The following MEMO1 variants were observed in gnomAD, a reference collection of about 807,000 sequenced individuals.
MEMO1 encodes protein MEMO1.
A neutral mutation model predicts 45.2 loss-of-function variants in MEMO1; 6 were observed. The observed-to-expected ratio is 0.13, with a 90% CI of 0.07 to 0.26. The LOEUF (loss-of-function observed/expected upper bound fraction) is 0.26. Ranked by LOEUF, MEMO1 falls within the 10% of genes least tolerant of loss-of-function variation. The probability of loss-of-function intolerance (pLI) is 1.00; values close to 1 mark genes in which losing one functional copy is unlikely to be tolerated. For missense variants in MEMO1, 184 were observed against 370.5 expected (o/e 0.50, Z 4.13); for synonymous variants, 78 against 124.3 (o/e 0.63, Z 2.48).
intron 6 of MEMO1, among the ~76,000 whole-genome samples, chr2:31,899,180 A>G (rs1375781673): frequency 6.6e-6 from 1 of 152,162 alleles, no homozygotes; most frequent in African/African-American, 2.4e-5. Context: ...ATTAGAAAAA[A>G]CTACTTTAAA....
chr2:31,931,450 T>C (rs117744940), intron 4 of MEMO1, among the ~76,000 whole-genome samples: 2 of 152,158 alleles, frequency 1.3e-5, no homozygotes, highest in Non-Finnish European at 2.9e-5. Context: ...AAATTAACTG[T>C]GTAAATAAAA....
At position 31,943,355 on chromosome 2, in the gene MEMO1, A is replaced by G; in HGVS notation, c.90T>C (p.Gly30=). 6.2e-7 allele frequency: 1 copy of G among 1,613,922 alleles called. No individual in the cohort carries two copies. Among genetic ancestry groups the G allele is most frequent in the Non-Finnish European group, 8.5e-7 (1 of 1,179,794 alleles). Residue 30 remains glycine, a synonymous_variant, in exon 3 of 10, where the codon GGT becomes GGC. Transcript: ENST00000404530. The part of the protein sequence containing the change: ...SGPQLNAQLE[G]WLSQVQSTKR... ...TTGTAGACTGTACTTGTGAAAGCCA[A>G]CCTTCTAGCTGTGCATTCAGCTGCG...
intron 7 of MEMO1, 150 bp downstream of exon 7, chr2:31,891,842 G>T: frequency 1.2e-6 from 1 of 803,520 alleles, no homozygotes; most frequent in Non-Finnish European, 2.0e-6. Context: ...AGGATCAAAA[G>T]ATTTTTTATT....
At chr2:31,922,656 G>T (rs1002380314) in intron 4 of MEMO1, among the ~76,000 whole-genome samples, 3 of 151,682 alleles carry the variant, frequency 2.0e-5, no homozygotes, top group Non-Finnish European at 4.4e-5. Flanking sequence ...AGTAGGTCTC[G>T]GTGTCTGTTG....
chr2:31,960,128 C>T (rs998424468), intron 2 of MEMO1, among the ~76,000 whole-genome samples: 2 of 150,736 alleles, frequency 1.3e-5, no homozygotes, highest in African/African-American at 4.9e-5. Flanking sequence ...ACCTAGGAGG[C>T]AGAAGTTGCA....
intron 6 of MEMO1, among the ~76,000 whole-genome samples, chr2:31,912,932 C>T (rs1464277027): frequency 6.6e-6 from 1 of 152,080 alleles, no homozygotes; most frequent in Non-Finnish European, 1.5e-5. Context: ...ATGTTTTCTC[C>T]TTTAGACTAC....
intron 4 of MEMO1, among the ~76,000 whole-genome samples, chr2:31,930,811 A>ATTTTTTTTTT (rs376524077): frequency 0.011 from 1,437 of 125,928 alleles, 32 homozygotes; most frequent in African/African-American, 0.024. Flanking sequence ...ACGCCTGGCA[A>ATTTTTTTTTT]TTTTTTTTTT....
rs956194846 is a variant in MEMO1 at position 31,926,307 on chromosome 2, C to T, written c.213-5397G>A. On this transcript the variant is annotated intron_variant, in intron 4 of 9. Transcript: ENST00000404530. Reference sequence around the variant, plus strand: ...GGATCACTTGAGCCTGGGAATTCAACGCTGCGTGAGCTATGATCATGCCAC... The same window carrying T: ...GGATCACTTGAGCCTGGGAATTCAATGCTGCGTGAGCTATGATCATGCCAC... Among the ~76,000 whole-genome samples the T allele has an allele frequency of 4.0e-5, 6 of 149,856 alleles. No homozygotes were observed. The South Asian group carries it at 1.0e-3, about 26-fold the overall frequency.
chr2:31,994,392 G>A (rs1393795819), intron 2 of MEMO1, among the ~76,000 whole-genome samples: 1 of 151,688 alleles, frequency 6.6e-6, no homozygotes, highest in Non-Finnish European at 1.5e-5. Context: ...CACTTTGGAA[G>A]ACGGAGGTGG....
chr2:31,873,610 A>G (rs1047313546), intron 8 of MEMO1, among the ~76,000 whole-genome samples: 1 of 152,184 alleles, frequency 6.6e-6, no homozygotes, highest in African/African-American at 2.4e-5. Context: ...TCTCTCCCAA[A>G]AGTAACAAAT....
At position 31,970,586 on chromosome 2, in the gene MEMO1, A is replaced by G. The variant is rs1250414686; in HGVS notation, c.62-27203T>C. On this transcript the variant is annotated intron_variant, in intron 2 of 9. Coordinates refer to ENST00000404530, the MANE Select transcript of MEMO1 (RefSeq NM_001301833.4). ...CATCTTTTTTTTAACCAAACTGTAT[A>G]GTTCTCATTGACACGCAAAATGCAC... Among the ~76,000 whole-genome samples the G allele has an allele frequency of 2.0e-5, 3 of 151,824 alleles. 1 individual carries two copies. The East Asian group carries it at 5.8e-4, about 29-fold the overall frequency.
chr2:32,000,597 C>G (rs1433841477), intron 2 of MEMO1, among the ~76,000 whole-genome samples: 1 of 151,612 alleles, frequency 6.6e-6, no homozygotes, highest in Non-Finnish European at 1.5e-5. Flanking sequence ...AACTCCTGAC[C>G]TCAAGTGATC....
chr2:31,885,457 G>A (rs183596417), intron 7 of MEMO1, among the ~76,000 whole-genome samples: 43 of 152,270 alleles, frequency 2.8e-4, no homozygotes, highest in Admixed American at 1.3e-4. Context: ...GCTGTGAGAA[G>A]GCTGCTCAGT....
intron 2 of MEMO1, among the ~76,000 whole-genome samples, chr2:31,976,340 G>C (rs1670001289): frequency 6.6e-6 from 1 of 151,936 alleles, no homozygotes; most frequent in Non-Finnish European, 1.5e-5. Flanking sequence ...CACTTTGGAA[G>C]GCTGAGGAGG....
intron 2 of MEMO1, among the ~76,000 whole-genome samples, chr2:31,996,860 T>G (rs1396547049): frequency 6.6e-6 from 1 of 152,018 alleles, no homozygotes; most frequent in African/African-American, 2.4e-5. Flanking sequence ...ACTCCCGAAT[T>G]GCTAGGATTA....
At chr2:31,982,860 T>C (rs1670816697) in intron 2 of MEMO1, among the ~76,000 whole-genome samples, 1 of 152,002 alleles carries the variant, frequency 6.6e-6, no homozygotes, top group Non-Finnish European at 1.5e-5. Context: ...GGAGAGAAGT[T>C]ACAGATAAGT....
chr2:31,968,601 T>C (rs575227918), intron 2 of MEMO1, among the ~76,000 whole-genome samples: 1 of 152,290 alleles, frequency 6.6e-6, no homozygotes, highest in East Asian at 1.9e-4. Context: ...GTCAGATTAA[T>C]TACAAAGGAG....
At chr2:31,892,786 C>T (rs1677161906) in intron 6 of MEMO1, among the ~76,000 whole-genome samples, 1 of 152,186 alleles carries the variant, frequency 6.6e-6, no homozygotes. Context: ...AAAGACACCA[C>T]ACCCACCCAC....
At chr2:31,996,919 G>A (rs1313311598) in intron 2 of MEMO1, among the ~76,000 whole-genome samples, 2 of 152,116 alleles carry the variant, frequency 1.3e-5, no homozygotes, top group Non-Finnish European at 2.9e-5. Flanking sequence ...ACTTTCAAAA[G>A]AACATGGAAC....
Sources: gnomAD v4.1 joint callset for allele counts (sites outside exome capture counted in the v4.1 genomes callset) on GRCh38, gnomAD v4.1.1 for gene constraint, MANE v1.5 for transcripts, NCBI Gene and HGNC (gene_info 2026-07-23, HGNC 2026-07-21) for gene names.